The following PHF20 variants were observed in gnomAD, a reference collection of about 807,000 sequenced individuals.
PHF20 encodes the protein PHD finger protein 20.
PHF20 carries 23 observed loss-of-function variants against 113.5 expected under a neutral mutation model. The observed-to-expected ratio is 0.20, with a 90% CI of 0.15 to 0.29. PHF20 has a LOEUF of 0.29. Ranked by LOEUF, PHF20 falls within the 10% of genes least tolerant of loss-of-function variation. PHF20 has a pLI of 1.00. For synonymous variants in PHF20, 434 were observed against 457.3 expected, an observed-to-expected ratio of 0.95 and a Z score of 0.65; for missense variants, 943 against 1,219.6, an observed-to-expected ratio of 0.77 and a Z score of 3.38.
chr20:35,862,578 A>T (rs2054236490), intron 5 of PHF20, among the ~76,000 whole-genome samples: 1 of 152,088 alleles, frequency 6.6e-6, no homozygotes, highest in Non-Finnish European at 1.5e-5. Flanking sequence ...AAATAACAAT[A>T]AAAAACTTAG....
At chr20:35,924,067 A>G (rs576871471) in intron 13 of PHF20, among the ~76,000 whole-genome samples, 8 of 152,130 alleles carry the variant, frequency 5.3e-5, no homozygotes, top group African/African-American at 1.7e-4. Context: ...AAAAGTTACC[A>G]TTATAACCAT....
At chr20:35,921,600 C>T (rs1365613578) in intron 13 of PHF20, among the ~76,000 whole-genome samples, 1 of 152,004 alleles carries the variant, frequency 6.6e-6, no homozygotes, top group Non-Finnish European at 1.5e-5. Flanking sequence ...AGGATGATCA[C>T]TTGAGCCTGG....
In PHF20 at chr20:35,938,718, G is replaced by T. The variant is rs767580248; in HGVS notation, c.2322G>T (p.Leu774=). The T allele has an allele frequency of 1.9e-6, 3 of 1,611,400 alleles. No homozygotes were observed. Among genetic ancestry groups the T allele is most frequent in the Non-Finnish European group, 2.5e-6 (3 of 1,178,600 alleles). ...ACAGAAGCCGGGAGCATCCTGATCT[G>T]CCGCTGTGGTGCCAGCCTTGGAAAC... ...SILQSREHPD[L]PLWCQPWKQH... is the part of the protein sequence containing the mutation. Residue 774 remains leucine, a synonymous_variant, in exon 16 of 18, where the codon CTG becomes CTT. Transcript: ENST00000374012.
intron 9 of PHF20, among the ~76,000 whole-genome samples, chr20:35,892,005 G>A (rs910012388): frequency 6.6e-6 from 1 of 151,848 alleles, no homozygotes; most frequent in East Asian, 1.9e-4. Context: ...GAGAAGCTGG[G>A]ATTACAGGCA....
At chr20:35,917,690 T>A (rs759075927) in intron 13 of PHF20, 28 bp downstream of exon 13, 4 of 1,592,976 alleles carry the variant, frequency 2.5e-6, no homozygotes, top group Non-Finnish European at 3.4e-6. Context: ...GAAACAGGTC[T>A]AGAGAAGCAC....
chr20:35,914,498 A>G (rs1306878915), intron 12 of PHF20, among the ~76,000 whole-genome samples: 2 of 152,226 alleles, frequency 1.3e-5, no homozygotes, highest in Non-Finnish European at 2.9e-5. Context: ...TAAATAAAGA[A>G]ATGGACAAGT....
At chr20:35,874,566 C>G (rs1475950484) in intron 9 of PHF20, among the ~76,000 whole-genome samples, 1 of 152,020 alleles carries the variant, frequency 6.6e-6, no homozygotes, top group Admixed American at 6.5e-5. Flanking sequence ...TCAGAGCAGC[C>G]TGGACCTCCT....
chr20:35,889,730 T>A (rs1462832237), intron 9 of PHF20, among the ~76,000 whole-genome samples: 2 of 142,276 alleles, frequency 1.4e-5, no homozygotes, highest in African/African-American at 5.4e-5. Flanking sequence ...TAATTAATTA[T>A]TTTAAAATTA....
At chr20:35,940,339 G>T (rs1325395422) in intron 16 of PHF20, among the ~76,000 whole-genome samples, 1 of 152,016 alleles carries the variant, frequency 6.6e-6, no homozygotes, top group Non-Finnish European at 1.5e-5. Context: ...TCCATTGATG[G>T]TAAGCTGACT....
intron 5 of PHF20, among the ~76,000 whole-genome samples, chr20:35,861,353 A>C (rs1016729244): frequency 1.3e-5 from 2 of 152,164 alleles, no homozygotes; most frequent in African/African-American, 4.8e-5. Flanking sequence ...TGACTTAACA[A>C]TTTGATGTAT....
chr20:35,899,567 G>A lies in PHF20; in HGVS notation c.1480G>A (p.Val494Ile), dbSNP rs1308201956. ...AGAAGAGAGCCCGGGAAAGAGGCAT[G>A]TCCAAACCAGGGGCCCTTCAGCTTC... ...EPEESPGKRH[V>I]QTRGPSASDK... is the part of the protein sequence containing the mutation. Residue 494 changes from valine to isoleucine, a missense_variant, in exon 10 of 18, where the codon GTC (valine) becomes ATC (isoleucine). Val to Ile is a conservative substitution (Grantham distance 29). Coordinates refer to ENST00000374012, the MANE Select transcript of PHF20 (RefSeq NM_016436.5). 1 of 1,614,090 alleles carries A rather than the reference G, an allele frequency of 6.2e-7. No individual in the cohort carries two copies.
At chr20:35,772,720 T>A (rs2041088162) in intron 1 of PHF20, among the ~76,000 whole-genome samples, 3 of 152,104 alleles carry the variant, frequency 2.0e-5, no homozygotes. Context: ...CATTCCTTTT[T>A]TCGGGCCTCC....
At chr20:35,781,346 T>G (rs2041291783) in intron 1 of PHF20, among the ~76,000 whole-genome samples, 1 of 149,902 alleles carries the variant, frequency 6.7e-6, no homozygotes, top group African/African-American at 2.5e-5. Flanking sequence ...TTTCACCGTA[T>G]TAGCCAGGTT....
chr20:35,849,051 A>G (rs569232834), intron 4 of PHF20, among the ~76,000 whole-genome samples: 1 of 152,320 alleles, frequency 6.6e-6, no homozygotes, highest in East Asian at 1.9e-4. Flanking sequence ...AATTTCTGCC[A>G]AAACCTGTTG....
At chr20:35,801,794 CT>C in intron 2 of PHF20, 189 bp downstream of exon 2, 1 of 486,616 alleles carries the variant, frequency 2.1e-6, no homozygotes, top group Non-Finnish European at 3.7e-6. Context: ...CTGTAACCCC[CT>C]GTATATATTT....
chr20:35,826,974 T>A (rs1179327521), intron 2 of PHF20, among the ~76,000 whole-genome samples: 6 of 151,490 alleles, frequency 4.0e-5, no homozygotes, highest in Non-Finnish European at 8.8e-5. Context: ...TGCAGTTTAA[T>A]AGTCAGCCTT....
chr20:35,854,474 A>T (rs1054702875), intron 4 of PHF20, among the ~76,000 whole-genome samples: 1 of 152,208 alleles, frequency 6.6e-6, no homozygotes, highest in Non-Finnish European at 1.5e-5. Context: ...TTAGCTACCT[A>T]CGGGAGGATT....
At chr20:35,933,350 AAACT>A (rs1417985010) in intron 15 of PHF20, among the ~76,000 whole-genome samples, 1 of 151,286 alleles carries the variant, frequency 6.6e-6, no homozygotes, top group African/African-American at 2.4e-5. Context: ...CTCCTGCCTT[AAACT>A]CCTGAGTTGC....
Position 35,899,298 on chromosome 20 carries a change from TG to T in PHF20, c.1283-71del. On this transcript the variant is annotated intron_variant, in intron 9 of 17. Transcript: ENST00000374012. ...GCTAGTCTTTCACCCTCAGTTGTCA[TG>T]TGTTAATGCATGTTTTGTAATAACT... The T allele has an allele frequency of 2.4e-6, 3 of 1,273,378 alleles. No individual in the cohort carries two copies. In the South Asian group the frequency reaches 4.4e-5, roughly 19 times the overall value. 78.9% of individuals were successfully genotyped at this position (1,273,378 alleles called of 1,614,324 possible). A position where few individuals can be genotyped will look rare whatever the true frequency, so the allele number is the denominator to read the frequency against.
Sources: allele counts gnomAD v4.1 joint callset (sites outside exome capture counted in the v4.1 genomes callset), GRCh38; gene constraint gnomAD v4.1.1; transcripts MANE v1.5; gene names NCBI Gene and HGNC (gene_info 2026-07-23, HGNC 2026-07-21).